The following PROX2 variants were observed in gnomAD, a reference collection of about 807,000 sequenced individuals.
The protein encoded by PROX2 is prospero homeobox 2, also known as prospero homeobox protein 2.
PROX2 carries 46 observed loss-of-function variants against 48.9 expected under a neutral mutation model. The ratio of observed to expected loss-of-function variants is 0.94; its 90% CI spans 0.74 to 1.20. The LOEUF (loss-of-function observed/expected upper bound fraction) is 1.20. Ranked by LOEUF, PROX2 falls within the 50% of genes most tolerant of loss-of-function variation. The probability of loss-of-function intolerance (pLI) is 0.00; values close to 1 mark genes in which losing one functional copy is unlikely to be tolerated. For missense variants in PROX2, 663 were observed against 719.4 expected (o/e 0.92, Z 0.90); for synonymous variants, 260 against 276.6 (o/e 0.94, Z 0.60).
intron 2 of PROX2, among the ~76,000 whole-genome samples, chr14:74,864,482 G>A (rs1023610269): frequency 2.0e-5 from 3 of 152,168 alleles, no homozygotes; most frequent in South Asian, 2.1e-4. Flanking sequence ...CAAACCAAGC[G>A]TTGTCTGATT....
chr14:74,855,388 T>G (rs771317368), intron 5 of PROX2, 86 bp from the exon 6 acceptor site: 15 of 1,158,056 alleles, frequency 1.3e-5, no homozygotes, highest in Non-Finnish European at 1.4e-5. Flanking sequence ...GGGTGCTGCC[T>G]GTTTCTTGGG....
intron 1 of PROX2, among the ~76,000 whole-genome samples, chr14:74,872,789 C>T (rs1403007389): frequency 1.3e-5 from 2 of 152,224 alleles, no homozygotes; most frequent in South Asian, 2.1e-4. Flanking sequence ...CAGCCCTGAA[C>T]AGGCTCTCTT....
chr14:74,869,203 ACTT>A (rs924194483), intron 2 of PROX2, among the ~76,000 whole-genome samples: 2 of 152,094 alleles, frequency 1.3e-5, no homozygotes, highest in Admixed American at 6.5e-5. Context: ...AAACTGTTCT[ACTT>A]CTTTTCCAAC....
chr14:74,861,717 C>T (rs76235458), intron 3 of PROX2, among the ~76,000 whole-genome samples: 374 of 152,258 alleles, frequency 2.5e-3, no homozygotes, highest in Middle Eastern at 0.01. Context: ...GACCTCTGGC[C>T]GTTTCCAGCC....
Position 74,863,126 on chromosome 14 carries a change from C to G in PROX2, c.709G>C (p.Ala237Pro). The change falls in exon 3 of 6, where the codon GCT becomes CCT. Residue 237 changes from alanine (A) to proline (P), a missense_variant. Coordinates refer to ENST00000556489, the MANE Select transcript of PROX2 (RefSeq NM_001243007.2). ...ACCTTTTGTAATACCGAGTCCACAG[C>G]CTGGGACACTGCCCTGGTCAGCTCT... ...RKELTRAVSQ[A>P]VDSVLQKVLL... 6.2e-7 allele frequency: 1 copy of G among 1,614,004 alleles called. No homozygotes were observed. The highest frequency in any genetic ancestry group is 8.5e-7 in the Non-Finnish European group (1 of 1,179,890).
At chr14:74,865,413 G>C (rs917054541) in intron 2 of PROX2, 1 of 152,212 alleles carries the variant, frequency 6.6e-6, no homozygotes, top group Non-Finnish European at 1.5e-5. Flanking sequence ...CACAACAAAG[G>C]GTTGGAAACT....
intron 2 of PROX2, among the ~76,000 whole-genome samples, chr14:74,867,161 C>T (rs1247441902): frequency 6.6e-6 from 1 of 152,198 alleles, no homozygotes; most frequent in Admixed American, 6.5e-5. Context: ...GCTTATGCCC[C>T]TCTATGGAAT....
rs1034737728 is a variant in PROX2 at position 74,862,813 on chromosome 14, T to A, written c.1022A>T (p.Gln341Leu). The A allele has an allele frequency of 6.2e-7, 1 of 1,614,048 alleles. No individual in the cohort carries two copies. ...NFPLTAPSHI[Q>L]ENQILSQLLG... ...TAGCTGGCTAAGAATCTGATTTTCCTGGATGTGGGAAGGTGCAGTCAAGGG... is the reference window on the plus strand; with the variant it reads ...TAGCTGGCTAAGAATCTGATTTTCCAGGATGTGGGAAGGTGCAGTCAAGGG... The change falls in exon 3 of 6, where the codon CAG (glutamine) becomes CTG (leucine). Residue 341 changes from glutamine (Q) to leucine (L), a missense_variant. By Grantham distance (113) the Gln-to-Leu change is moderately radical. Transcript: ENST00000556489.
chr14:74,860,980 T>A (rs1164972619), intron 3 of PROX2, among the ~76,000 whole-genome samples: 1 of 152,198 alleles, frequency 6.6e-6, no homozygotes, highest in Non-Finnish European at 1.5e-5. Context: ...CTGTCTATGG[T>A]GGAATCTCTG....
chr14:74,867,525 A>G (rs1883092258), intron 2 of PROX2, among the ~76,000 whole-genome samples: 1 of 152,202 alleles, frequency 6.6e-6, no homozygotes, highest in African/African-American at 2.4e-5. Flanking sequence ...GCCAGATGTT[A>G]CCAGATGTTT....
At chr14:74,864,878 T>C (rs1443654129) in intron 2 of PROX2, among the ~76,000 whole-genome samples, 2 of 149,078 alleles carry the variant, frequency 1.3e-5, no homozygotes, top group East Asian at 4.0e-4. Flanking sequence ...GCAAGGTAGC[T>C]CACACCTGTA....
chr14:74,865,537 T>C lies in PROX2; in HGVS notation c.-174-1529A>G, dbSNP rs531034582. On this transcript the variant is annotated intron_variant, in intron 2 of 5. Coordinates refer to ENST00000556489, the MANE Select transcript of PROX2 (RefSeq NM_001243007.2). ...TACTCCAACCACGTCACTTGCTTTC[T>C]AACTAATAATAATCATTGAACTGGG... Among the ~76,000 whole-genome samples, 94 of 152,284 alleles carry C rather than the reference T, an allele frequency of 6.2e-4. 1 individual carries two copies. Among genetic ancestry groups the C allele is most frequent in the Middle Eastern group, 6.8e-3 (2 of 294 alleles).
intron 1 of PROX2, among the ~76,000 whole-genome samples, chr14:74,871,532 G>A (rs539392387): frequency 3.3e-5 from 5 of 151,612 alleles, no homozygotes; most frequent in African/African-American, 1.2e-4. Flanking sequence ...CCAGTGCTTT[G>A]GGAGGCCAAG....
At chr14:74,856,553 G>A in intron 5 of PROX2, 1 of 522,556 alleles carries the variant, frequency 1.9e-6, no homozygotes, top group Non-Finnish European at 3.4e-6. Flanking sequence ...CTAAGATGGT[G>A]TAACACCTGG....
rs1883041621 is a variant in PROX2 at position 74,865,709 on chromosome 14, TAGTCCC to T, written c.-174-1707_-174-1702del. 4.6e-5 allele frequency among the ~76,000 whole-genome samples: 7 copies of T among 152,130 alleles called. No individual in the cohort carries two copies. In the South Asian group the frequency reaches 1.5e-3, roughly 32 times the overall value. Reference sequence around the variant, plus strand: ...AGCCAGGCGTGGTGGCGGGCGCCTATAGTCCCAGCTACTCGGGAGGCTGAGGCAGGA... The same window carrying T: ...AGCCAGGCGTGGTGGCGGGCGCCTATAGCTACTCGGGAGGCTGAGGCAGGA... On this transcript the variant is annotated intron_variant, in intron 2 of 5. Transcript: ENST00000556489.
rs1159665533 is a variant in PROX2 at position 74,856,792 on chromosome 14, T to C, written c.1608+9A>G. 1.2e-6 allele frequency: 2 copies of C among 1,611,286 alleles called. No individual in the cohort carries two copies. The highest frequency in any genetic ancestry group is 3.3e-5 in the Admixed American group (2 of 59,988). ...TCAGATCTCATGGGAACCCAGTACA[T>C]GGTCTTACCTCAAAGTCATTTCCCT... On this transcript the variant is annotated intron_variant, in intron 5 of 5. Coordinates refer to ENST00000556489, the MANE Select transcript of PROX2 (RefSeq NM_001243007.2).
intron 1 of PROX2, among the ~76,000 whole-genome samples, chr14:74,874,692 C>T (rs1290929693): frequency 2.0e-5 from 3 of 151,966 alleles, no homozygotes; most frequent in East Asian, 3.9e-4. Context: ...AAAAATGAAA[C>T]GAAGAGGAAA....
intron 2 of PROX2, among the ~76,000 whole-genome samples, chr14:74,867,392 C>T (rs1205156866): frequency 1.3e-5 from 2 of 152,184 alleles, no homozygotes; most frequent in Admixed American, 6.5e-5. Context: ...CACTTTTCCA[C>T]GGACAAACTC....
At chr14:74,861,616 C>T (rs1417914836) in intron 3 of PROX2, among the ~76,000 whole-genome samples, 1 of 152,192 alleles carries the variant, frequency 6.6e-6, no homozygotes, top group African/African-American at 2.4e-5. Flanking sequence ...CCACTCAGGC[C>T]TCCTCATGGG....
Sources: allele counts gnomAD v4.1 joint callset (sites outside exome capture counted in the v4.1 genomes callset), GRCh38; gene constraint gnomAD v4.1.1; transcripts MANE v1.5; gene names NCBI Gene and HGNC (gene_info 2026-07-23, HGNC 2026-07-21).